CARF: variants seen among roughly 807,000 people sequenced by gnomAD.
CARF encodes the protein calcium responsive transcription factor, also known as calcium-responsive transcription factor.
A neutral mutation model predicts 82.0 loss-of-function variants in CARF; 57 were observed. The observed-to-expected ratio is 0.70, with a 90% CI of 0.56 to 0.87. CARF has a LOEUF of 0.87. CARF is among the 40% of genes least tolerant of loss of function. The pLI, the probability that CARF is intolerant of heterozygous loss-of-function variation, is 0.00. For missense variants in CARF, 771 were observed against 855.8 expected (o/e 0.90, Z 1.24); for synonymous variants, 268 against 290.1 (o/e 0.92, Z 0.77).
Position 202,984,199 on chromosome 2 carries a change from T to C in CARF, c.*575T>C, listed in dbSNP as rs143517736. ...GTCCAGCAGCTACATCTGTGGAAACTGTGCAGTTGCATTTTAGCCTCTTCC... is the reference window on the plus strand; with the variant it reads ...GTCCAGCAGCTACATCTGTGGAAACCGTGCAGTTGCATTTTAGCCTCTTCC... On this transcript the variant is annotated 3_prime_UTR_variant, in exon 17 of 17. Coordinates refer to ENST00000438828, the MANE Select transcript of CARF (RefSeq NM_024744.17). The C allele has an allele frequency of 1.1e-4, 16 of 152,276 alleles. No individual in the cohort carries two copies. The highest frequency in any genetic ancestry group is 3.6e-4 in the African/African-American group (15 of 41,468). 9.4% of individuals were successfully genotyped at this position (152,276 alleles called of 1,614,324 possible). A position where few individuals can be genotyped will look rare whatever the true frequency, so the allele number is the denominator to read the frequency against.
At chr2:202,929,265 A>G (rs1167853147) in intron 3 of CARF, among the ~76,000 whole-genome samples, 1 of 152,178 alleles carries the variant, frequency 6.6e-6, no homozygotes, top group Non-Finnish European at 1.5e-5. Context: ...GCCTAGACCA[A>G]TGTCCTGAAG....
rs1374884106 is a variant in CARF at position 202,985,193 on chromosome 2, A to T, written c.*1569A>T. ...AAAATAAAGATTTTAAATGGATATC[A>T]ATGTTTAATATTCAAAACATGCACA... On this transcript the variant is annotated 3_prime_UTR_variant, in exon 17 of 17. Transcript: ENST00000438828. The T allele has an allele frequency of 6.6e-6, 1 of 152,096 alleles. No homozygotes were observed. The highest frequency in any genetic ancestry group is 1.5e-5 in the Non-Finnish European group (1 of 68,012). The allele number at this position is 152,096 out of a possible 1,614,324, so 9.4% of individuals were successfully genotyped here.
intron 9 of CARF, 101 bp from the exon 10 acceptor site, chr2:202,966,877 T>A (rs1198652820): frequency 1.8e-6 from 2 of 1,083,686 alleles, no homozygotes; most frequent in African/African-American, 3.2e-5. Flanking sequence ...AAGCTGTATA[T>A]TTGAAAGATT....
rs1559225845 is a variant in CARF, at chr2:202,948,445, G to A, written c.307-4114G>A. 2.0e-5 allele frequency among the ~76,000 whole-genome samples: 3 copies of A among 152,274 alleles called. No individual in the cohort carries two copies. The South Asian group carries it at 6.2e-4, about 32-fold the overall frequency. ...TTGAATCTGTGAATTGCTTTGCGCA[G>A]TGTGGCCATTTTAATGATATTGATT... On this transcript the variant is annotated intron_variant, in intron 5 of 16. Transcript: ENST00000438828.
chr2:202,944,382 AAATT>A (rs1170238443), intron 5 of CARF, among the ~76,000 whole-genome samples: 2 of 152,182 alleles, frequency 1.3e-5, no homozygotes, highest in Non-Finnish European at 2.9e-5. Flanking sequence ...TTTCATAATA[AAATT>A]AATAATTTTA....
intron 8 of CARF, among the ~76,000 whole-genome samples, chr2:202,958,249 A>ATGTGTGTGTGTGTGTGTGTGTGTGTG (rs71034206): frequency 5.7e-5 from 8 of 140,044 alleles, no homozygotes; most frequent in Non-Finnish European, 9.2e-5. Context: ...ATATACATAT[A>ATGTGTGTGTGTGTGTGTGTGTGTGTG]TGTGTGTGTG....
In CARF at chr2:202,942,751, T is replaced by G. The variant is rs755582319; in HGVS notation, c.90T>G (p.Cys30Trp). Residue 30 changes from cysteine to tryptophan, a missense_variant, in exon 5 of 17, where the codon TGT becomes TGG. Transcript: ENST00000438828. ...TSAQVFEHLICMDSRDSSFGQ... is the reference protein window; with the variant it reads ...TSAQVFEHLIWMDSRDSSFGQ... ...TTTCCTTACAAAAGCATCTAATCTG[T>G]ATGGACTCCAGGGATTCTTCCTTTG... 1 of 1,613,218 alleles carries G rather than the reference T, an allele frequency of 6.2e-7. No homozygotes were observed. Among genetic ancestry groups the G allele is most frequent in the African/African-American group, 1.3e-5 (1 of 74,998 alleles).
Position 202,984,104 on chromosome 2 carries a change from AG to A in CARF, c.*482del, listed in dbSNP as rs2105952748. On this transcript the variant is annotated 3_prime_UTR_variant, in exon 17 of 17. Coordinates refer to ENST00000438828, the MANE Select transcript of CARF (RefSeq NM_024744.17). ...GTGAAGAAATTGTTAATTGCCAGAC[AG>A]GTAAGAAAATGTTTATAATCTATCT... 6.6e-6 allele frequency: 1 copy of A among 152,648 alleles called. No individual in the cohort carries two copies. Among genetic ancestry groups the A allele is most frequent in the South Asian group, 2.1e-4 (1 of 4,836 alleles). The allele number at this position is 152,648 out of a possible 1,614,324, so 9.5% of individuals were successfully genotyped here. A position where few individuals can be genotyped will look rare whatever the true frequency, so the allele number is the denominator to read the frequency against.
rs71034203 is a variant in CARF at position 202,917,210 on chromosome 2, C to CAAAAAAAAAAA, written c.-329-651_-329-641dup. On this transcript the variant is annotated intron_variant, in intron 1 of 16. Transcript: ENST00000438828. ...TGGGCGACAGAGCGAGACTCCGTCT[C>CAAAAAAAAAAA]AAAAAAAAAAAAAAAAAAAAAAAAA... Among the ~76,000 whole-genome samples, 26 of 47,004 alleles carry CAAAAAAAAAAA rather than the reference C, an allele frequency of 5.5e-4. 6 individuals carry two copies. Among genetic ancestry groups the CAAAAAAAAAAA allele is most frequent in the Non-Finnish European group, 7.6e-4 (22 of 29,056 alleles). 30.8% of individuals were successfully genotyped at this position (47,004 alleles called of 152,430 possible). A position where few individuals can be genotyped will look rare whatever the true frequency, so the allele number is the denominator to read the frequency against.
At chr2:202,975,412 C>T (rs370794698) in intron 13 of CARF, among the ~76,000 whole-genome samples, 3 of 151,870 alleles carry the variant, frequency 2.0e-5, no homozygotes, top group Non-Finnish European at 4.4e-5. Flanking sequence ...CCACTGCACT[C>T]CAGCCTGGGC....
intron 5 of CARF, among the ~76,000 whole-genome samples, chr2:202,949,760 G>C (rs2058675369): frequency 6.6e-6 from 1 of 151,846 alleles, no homozygotes; most frequent in South Asian, 2.1e-4. Flanking sequence ...ATGTTGGCTA[G>C]GCTAGTCTCA....
chr2:202,986,480 A>G lies in CARF; in HGVS notation c.*2856A>G, dbSNP rs566768263. On this transcript the variant is annotated 3_prime_UTR_variant, in exon 17 of 17. Transcript: ENST00000438828. ...CTAAATTAGCAGTAAAAAATTCACA[A>G]TTACAGCTCAGCTTGTTTATTCATT... The G allele has an allele frequency of 3.4e-4, 51 of 152,172 alleles. 1 individual carries two copies. The highest frequency in any genetic ancestry group is 1.1e-3 in the African/African-American group (45 of 41,564). The allele number at this position is 152,172 out of a possible 1,614,324, so 9.4% of individuals were successfully genotyped here. A position where few individuals can be genotyped will look rare whatever the true frequency, so the allele number is the denominator to read the frequency against.
intron 12 of CARF, among the ~76,000 whole-genome samples, chr2:202,973,057 C>T (rs1054773332): frequency 1.3e-5 from 2 of 152,118 alleles, no homozygotes; most frequent in African/African-American, 4.8e-5. Context: ...AGCCACTGCA[C>T]CTGATTCGGT....
intron 8 of CARF, among the ~76,000 whole-genome samples, chr2:202,957,776 GA>G (rs1559243090): frequency 6.6e-6 from 1 of 151,982 alleles, no homozygotes; most frequent in Non-Finnish European, 1.5e-5. Flanking sequence ...CCAACGTGGC[GA>G]AACCCCATCT....
intron 3 of CARF, among the ~76,000 whole-genome samples, chr2:202,932,693 A>C (rs2105764530): frequency 6.6e-6 from 1 of 152,240 alleles, no homozygotes; most frequent in Non-Finnish European, 1.5e-5. Context: ...AGAATGGTGG[A>C]GTACAACTGT....
chr2:202,948,268 G>A (rs528654136), intron 5 of CARF, among the ~76,000 whole-genome samples: 3 of 152,306 alleles, frequency 2.0e-5, no homozygotes, highest in Admixed American at 2.0e-4. Flanking sequence ...TTGTAGTATA[G>A]TTTGAAGTCA....
intron 7 of CARF, among the ~76,000 whole-genome samples, chr2:202,955,131 CAGTTTT>C (rs1341554175): frequency 6.6e-6 from 1 of 151,802 alleles, no homozygotes; most frequent in African/African-American, 2.4e-5. Context: ...ACTTTTATTT[CAGTTTT>C]TGTTTTTGTT....
intron 9 of CARF, among the ~76,000 whole-genome samples, chr2:202,965,405 G>A (rs1015297059): frequency 2.6e-5 from 4 of 152,200 alleles, no homozygotes; most frequent in Admixed American, 2.6e-4. Flanking sequence ...ATTCCAAGGA[G>A]TATGAAATAG....
At position 202,983,619 on chromosome 2, in the gene CARF, A is replaced by G. The variant is rs114118372; in HGVS notation, c.2173A>G (p.Thr725Ala). The change falls in exon 17 of 17, where the codon ACA becomes GCA. Residue 725 changes from threonine (T) to alanine (A), a missense_variant. Coordinates refer to ENST00000438828, the MANE Select transcript of CARF (RefSeq NM_024744.17). ...TGTGGACTATAAGAAATTATCTGCT[A>G]CATAAATTATTGAAGCTTTTCAGAA... ...KTVDYKKLSAT is the reference protein window; with the variant it reads ...KTVDYKKLSAA 1.7e-3 allele frequency: 2,659 copies of G among 1,565,460 alleles called. 32 individuals are homozygous for G. In the African/African-American group the frequency reaches 0.031, roughly 18 times the overall value.
Sources: gnomAD v4.1 joint callset for allele counts (sites outside exome capture counted in the v4.1 genomes callset) on GRCh38, gnomAD v4.1.1 for gene constraint, MANE v1.5 for transcripts, NCBI Gene and HGNC (gene_info 2026-07-23, HGNC 2026-07-21) for gene names.